CACNA2D1: variants seen among roughly 807,000 people sequenced by gnomAD.
CACNA2D1 encodes the protein voltage-dependent calcium channel subunit alpha-2/delta-1.
Under a neutral mutation model 171.5 loss-of-function variants are expected in CACNA2D1, and 53 were observed. The ratio of observed to expected loss-of-function variants is 0.31; its 90% CI spans 0.25 to 0.39. CACNA2D1 has a LOEUF of 0.39. CACNA2D1 is among the 10% of genes least tolerant of loss of function. The pLI, the probability that CACNA2D1 is intolerant of heterozygous loss-of-function variation, is 1.00. For missense variants in CACNA2D1, 903 were observed against 1,299.8 expected, an observed-to-expected ratio of 0.69 and a Z score of 4.69; for synonymous variants, 442 against 443.1, an observed-to-expected ratio of 1.00 and a Z score of 0.03.
chr7:82,271,548 A>C (rs1420448594), intron 3 of CACNA2D1, among the ~76,000 whole-genome samples: 1 of 152,096 alleles, frequency 6.6e-6, no homozygotes, highest in Non-Finnish European at 1.5e-5. Flanking sequence ...TGGTTCTCAG[A>C]CTATCATCAA....
intron 3 of CACNA2D1, among the ~76,000 whole-genome samples, chr7:82,298,837 C>T (rs113833999): frequency 0.13 from 19,596 of 151,906 alleles, 1,587 homozygotes; most frequent in African/African-American, 0.22. Context: ...CCGAGGTGGG[C>T]GGATCACCTG....
intron 3 of CACNA2D1, among the ~76,000 whole-genome samples, chr7:82,238,433 C>G (rs1171578405): frequency 6.6e-6 from 1 of 151,960 alleles, no homozygotes; most frequent in African/African-American, 2.4e-5. Context: ...CATGAACAGA[C>G]ACTTTCCAAA....
At position 82,075,962 on chromosome 7, in the gene CACNA2D1, T is replaced by C. The variant is rs187905253; in HGVS notation, c.658+8807A>G. The stretch of plus-strand genomic sequence containing the variant: ...GCAATACTTATTTACATATTTTGCA[T>C]ATAATGTTATCCCCATTCAAATTAC... On this transcript the variant is annotated intron_variant, in intron 7 of 38. Coordinates refer to ENST00000356860, the MANE Select transcript of CACNA2D1 (RefSeq NM_000722.4). 5.5e-3 allele frequency among the ~76,000 whole-genome samples: 831 copies of C among 152,300 alleles called. 7 individuals are homozygous for C. The highest frequency in any genetic ancestry group is 7.8e-3 in the Non-Finnish European group (530 of 68,008).
chr7:82,219,303 G>A (rs1461805211), intron 3 of CACNA2D1, among the ~76,000 whole-genome samples: 1 of 151,964 alleles, frequency 6.6e-6, no homozygotes, highest in African/African-American at 2.4e-5. Context: ...ATAGCATACT[G>A]CATAAAATTA....
intron 7 of CACNA2D1, among the ~76,000 whole-genome samples, chr7:82,069,793 CA>C (rs1261404553): frequency 6.6e-6 from 1 of 151,670 alleles, no homozygotes; most frequent in Non-Finnish European, 1.5e-5. Flanking sequence ...GTAGAAACAT[CA>C]AATGACAGCT....
chr7:82,233,808 T>G lies in CACNA2D1; in HGVS notation c.295-63199A>C, dbSNP rs899637794. 5.3e-5 allele frequency among the ~76,000 whole-genome samples: 8 copies of G among 152,274 alleles called. No homozygotes were observed. In the South Asian group the frequency reaches 6.2e-4, roughly 12 times the overall value. ...TAGTTCACTACCATCTGTTTTCATA[T>G]TTTAAGTCAAAAGATTTATATATTA... On this transcript the variant is annotated intron_variant, in intron 3 of 38. Coordinates refer to ENST00000356860, the MANE Select transcript of CACNA2D1 (RefSeq NM_000722.4).
intron 3 of CACNA2D1, among the ~76,000 whole-genome samples, chr7:82,194,120 C>T (rs973658266): frequency 6.6e-6 from 1 of 151,972 alleles, no homozygotes; most frequent in African/African-American, 2.4e-5. Context: ...TTCAAAGTAG[C>T]TGCTAAAAGC....
At chr7:82,031,708 G>T (rs1729281465) in intron 12 of CACNA2D1, among the ~76,000 whole-genome samples, 1 of 151,820 alleles carries the variant, frequency 6.6e-6, no homozygotes, top group Non-Finnish European at 1.5e-5. Flanking sequence ...TCATCAAACT[G>T]TTCGCCATTA....
intron 5 of CACNA2D1, among the ~76,000 whole-genome samples, chr7:82,119,142 C>T (rs1209089977): frequency 6.6e-6 from 1 of 152,092 alleles, no homozygotes; most frequent in African/African-American, 2.4e-5. Flanking sequence ...CCCTCTGAAA[C>T]AAAGAATTCC....
chr7:81,969,747 C>T (rs1035324767), intron 28 of CACNA2D1, 134 bp downstream of exon 28: 1 of 655,556 alleles, frequency 1.5e-6, no homozygotes, highest in South Asian at 1.7e-5. Context: ...TAATGCCTTG[C>T]AAATACTCTA....
chr7:82,100,820 CTTTTTAACT>C (rs1812590015), intron 6 of CACNA2D1, among the ~76,000 whole-genome samples: 1 of 132,244 alleles, frequency 7.6e-6, no homozygotes. Context: ...ATTTCCTGAA[CTTTTTAACT>C]TTTTTTTTTT....
intron 3 of CACNA2D1, among the ~76,000 whole-genome samples, chr7:82,309,141 C>T (rs532228787): frequency 9.9e-5 from 15 of 152,272 alleles, no homozygotes; most frequent in African/African-American, 2.6e-4. Context: ...TGCAGTGGCT[C>T]ATGCCTGTAA....
chr7:81,977,822 A>C (rs1796009089), intron 24 of CACNA2D1, among the ~76,000 whole-genome samples: 1 of 152,176 alleles, frequency 6.6e-6, no homozygotes, highest in Non-Finnish European at 1.5e-5. Flanking sequence ...AATGGGAGAA[A>C]ATTTTTGCAA....
intron 3 of CACNA2D1, among the ~76,000 whole-genome samples, chr7:82,209,029 C>T (rs1800293784): frequency 6.6e-6 from 1 of 152,052 alleles, no homozygotes; most frequent in Non-Finnish European, 1.5e-5. Flanking sequence ...CAGTGATTGC[C>T]TTACAAATAT....
chr7:82,399,540 AT>A (rs1826121130), intron 1 of CACNA2D1, among the ~76,000 whole-genome samples: 1 of 152,206 alleles, frequency 6.6e-6, no homozygotes. Flanking sequence ...CTTAACAATG[AT>A]AAAACAATGA....
chr7:81,978,100 A>G (rs1796043360), intron 24 of CACNA2D1, among the ~76,000 whole-genome samples: 1 of 152,190 alleles, frequency 6.6e-6, no homozygotes, highest in Admixed American at 6.5e-5. Context: ...GATGCTGGAG[A>G]GGATGTGGTG....
intron 3 of CACNA2D1, among the ~76,000 whole-genome samples, chr7:82,315,480 T>G (rs531952926): frequency 1.3e-5 from 2 of 152,224 alleles, no homozygotes; most frequent in Non-Finnish European, 2.9e-5. Context: ...AAAGTAAACA[T>G]CAATGGATTG....
intron 22 of CACNA2D1, among the ~76,000 whole-genome samples, chr7:81,983,800 C>T (rs561384624): frequency 5.3e-5 from 8 of 151,954 alleles, no homozygotes; most frequent in East Asian, 1.9e-4. Context: ...AGGCCTGATG[C>T]GGGCAAAAAA....
chr7:82,332,561 A>AGAAG (rs1491251335), intron 3 of CACNA2D1, among the ~76,000 whole-genome samples: 8 of 140,568 alleles, frequency 5.7e-5, no homozygotes, highest in African/African-American at 2.1e-4. Context: ...AAAGAAAGAA[A>AGAAG]GAAAGAACGA....
Sources: gnomAD v4.1 joint callset for allele counts (sites outside exome capture counted in the v4.1 genomes callset) on GRCh38, gnomAD v4.1.1 for gene constraint, MANE v1.5 for transcripts, NCBI Gene and HGNC (gene_info 2026-07-23, HGNC 2026-07-21) for gene names.